Variants in PCDH9 observed in about 807,000 individuals in gnomAD.
The protein encoded by PCDH9 is protocadherin-9.
PCDH9 carries 24 observed loss-of-function variants against 70.6 expected under a neutral mutation model. The observed-to-expected ratio is 0.34, with a 90% CI of 0.25 to 0.48. The LOEUF (loss-of-function observed/expected upper bound fraction) is 0.48. Among genes scored for constraint, PCDH9 ranks in the 20% least tolerant of loss-of-function variants. The probability of loss-of-function intolerance (pLI) is 0.99; values close to 1 mark genes in which losing one functional copy is unlikely to be tolerated. For missense variants in PCDH9, 1,281 were observed against 1,503.6 expected (o/e 0.85, Z 2.45); for synonymous variants, 562 against 558.5 (o/e 1.01, Z -0.09).
chr13:67,037,617 C>T (rs1423719741), intron 2 of PCDH9, among the ~76,000 whole-genome samples: 1 of 152,270 alleles, frequency 6.6e-6, no homozygotes, highest in East Asian at 1.9e-4. Flanking sequence ...GTACACACTG[C>T]TATTCTTGTT....
At chr13:67,051,539 C>T (rs890981809) in intron 2 of PCDH9, among the ~76,000 whole-genome samples, 4 of 151,554 alleles carry the variant, frequency 2.6e-5, no homozygotes, top group South Asian at 2.1e-4. Context: ...ATTACAGGTG[C>T]GTGCCACCAC....
chr13:67,186,918 A>C (rs2088774508), intron 2 of PCDH9, among the ~76,000 whole-genome samples: 1 of 152,214 alleles, frequency 6.6e-6, no homozygotes, highest in South Asian at 2.1e-4. Flanking sequence ...AAAAACAGAA[A>C]TATTAAGACC....
intron 2 of PCDH9, among the ~76,000 whole-genome samples, chr13:67,121,098 G>A (rs2086869675): frequency 6.6e-6 from 1 of 152,190 alleles, no homozygotes; most frequent in South Asian, 2.1e-4. Context: ...TCAGCATAGA[G>A]AAGCGGGACA....
chr13:66,432,608 T>C (rs1957792237), intron 4 of PCDH9, among the ~76,000 whole-genome samples: 1 of 151,962 alleles, frequency 6.6e-6, no homozygotes, highest in African/African-American at 2.4e-5. Flanking sequence ...AAACACAGAC[T>C]ACCAGAGAAA....
At chr13:66,761,881 G>T (rs2079634187) in intron 3 of PCDH9, among the ~76,000 whole-genome samples, 1 of 151,784 alleles carries the variant, frequency 6.6e-6, no homozygotes, top group South Asian at 2.1e-4. Flanking sequence ...ATCTCTTTAG[G>T]ATCAGTTACT....
In PCDH9 at chr13:66,921,342, G is replaced by C. The variant is rs181582411; in HGVS notation, c.3037-17737C>G. The stretch of plus-strand genomic sequence containing the variant: ...GACATTGTATTTACGTGAGAGAAAG[G>C]GTATTTTTAAAAAACCGAAAAAGCA... On this transcript the variant is annotated intron_variant, in intron 2 of 4. Transcript: ENST00000377865. Among the ~76,000 whole-genome samples, 763 of 151,078 alleles carry C rather than the reference G, an allele frequency of 5.1e-3. 3 individuals carry two copies. The highest frequency in any genetic ancestry group is 0.019 in the South Asian group (92 of 4,814).
rs941861656 is a variant in PCDH9 at position 66,747,278 on chromosome 13, G to A, written c.3139-115867C>T. On this transcript the variant is annotated intron_variant, in intron 3 of 4. Transcript: ENST00000377865. ...AGGCAGGAGAATTGCATGAACCCAG[G>A]AGGTGAAGGTTGCAGTGAGCCAAGA... 5.9e-5 allele frequency among the ~76,000 whole-genome samples: 9 copies of A among 152,188 alleles called. No individual in the cohort carries two copies. In the South Asian group the frequency reaches 6.2e-4, roughly 10 times the overall value.
chr13:66,430,712 A>C (rs1957756376), intron 4 of PCDH9, among the ~76,000 whole-genome samples: 1 of 152,006 alleles, frequency 6.6e-6, no homozygotes, highest in Non-Finnish European at 1.5e-5. Context: ...CAACACATTA[A>C]CAGTGTCTTG....
At chr13:67,120,883 G>A (rs1015027936) in intron 2 of PCDH9, among the ~76,000 whole-genome samples, 1 of 151,506 alleles carries the variant, frequency 6.6e-6, no homozygotes, top group Non-Finnish European at 1.5e-5. Context: ...TTTAAACATC[G>A]GAAAAATATC....
At chr13:66,872,650 A>G (rs1030707258) in intron 3 of PCDH9, among the ~76,000 whole-genome samples, 2 of 152,110 alleles carry the variant, frequency 1.3e-5, no homozygotes, top group Non-Finnish European at 1.5e-5. Flanking sequence ...TATATTCTTC[A>G]GTGAGAACAA....
At chr13:66,430,445 A>G (rs1957750818) in intron 4 of PCDH9, among the ~76,000 whole-genome samples, 1 of 152,090 alleles carries the variant, frequency 6.6e-6, no homozygotes, top group South Asian at 2.1e-4. Flanking sequence ...GGCTCTGAGT[A>G]GTCTGTAAGG....
chr13:66,817,894 C>T (rs2080637087), intron 3 of PCDH9, among the ~76,000 whole-genome samples: 2 of 152,150 alleles, frequency 1.3e-5, no homozygotes, highest in African/African-American at 4.8e-5. Flanking sequence ...TTCCAAAGTG[C>T]TGGGATTACA....
At position 66,816,682 on chromosome 13, in the gene PCDH9, G is replaced by A. The variant is rs185310281; in HGVS notation, c.3138+86822C>T. ...TCACACCTCTAATCTCAGCACTTTG[G>A]GAGGCCAAGGCAGGTGGATCACGAG... On this transcript the variant is annotated intron_variant, in intron 3 of 4. Coordinates refer to ENST00000377865, the MANE Select transcript of PCDH9 (RefSeq NM_203487.3). 1.8e-3 allele frequency among the ~76,000 whole-genome samples: 281 copies of A among 152,156 alleles called. 1 individual carries two copies. The highest frequency in any genetic ancestry group is 6.5e-3 in the African/African-American group (268 of 41,518).
chr13:67,198,076 G>T (rs1477719629), intron 2 of PCDH9, among the ~76,000 whole-genome samples: 3 of 151,390 alleles, frequency 2.0e-5, no homozygotes, highest in Non-Finnish European at 4.4e-5. Context: ...GTTGTTCAAT[G>T]ATTTTTATGA....
At chr13:67,123,167 C>T (rs1471284066) in intron 2 of PCDH9, among the ~76,000 whole-genome samples, 1 of 152,144 alleles carries the variant, frequency 6.6e-6, no homozygotes. Context: ...CCTTTTTCTA[C>T]CCATCTTTAT....
intron 3 of PCDH9, among the ~76,000 whole-genome samples, chr13:66,804,537 A>G (rs1288882862): frequency 6.6e-6 from 1 of 152,212 alleles, no homozygotes; most frequent in Non-Finnish European, 1.5e-5. Context: ...GAATTGCAAG[A>G]GAAGCAGGGT....
At chr13:66,426,740 C>T (rs1024966153) in intron 4 of PCDH9, among the ~76,000 whole-genome samples, 1 of 151,316 alleles carries the variant, frequency 6.6e-6, no homozygotes, top group Non-Finnish European at 1.5e-5. Flanking sequence ...AAAGGTTTAC[C>T]ACATTTAAAG....
intron 3 of PCDH9, among the ~76,000 whole-genome samples, chr13:66,679,658 T>C (rs1205895849): frequency 6.6e-6 from 1 of 151,990 alleles, no homozygotes; most frequent in Non-Finnish European, 1.5e-5. Context: ...AATGTTACAG[T>C]AATTTAATTT....
At chr13:67,047,508 T>C (rs1382795610) in intron 2 of PCDH9, among the ~76,000 whole-genome samples, 1 of 152,170 alleles carries the variant, frequency 6.6e-6, no homozygotes, top group Non-Finnish European at 1.5e-5. Flanking sequence ...TCATTGGCAA[T>C]TGACATCCAG....
Sources: allele counts gnomAD v4.1 joint callset (sites outside exome capture counted in the v4.1 genomes callset), GRCh38; gene constraint gnomAD v4.1.1; transcripts MANE v1.5; gene names NCBI Gene and HGNC (gene_info 2026-07-23, HGNC 2026-07-21).